The following KIF24 variants were observed in gnomAD, a reference collection of about 807,000 sequenced individuals.
KIF24 encodes the protein kinesin-like protein KIF24.
Under a neutral mutation model 118.9 loss-of-function variants are expected in KIF24, and 81 were observed. The observed-to-expected ratio is 0.68, with a 90% confidence interval of 0.57 to 0.82. The LOEUF (loss-of-function observed/expected upper bound fraction) is 0.82, where lower values mean the gene tolerates loss of function less well. Ranked by LOEUF, KIF24 falls within the 40% of genes least tolerant of loss-of-function variation. The probability of loss-of-function intolerance (pLI) is 0.00; values close to 1 mark genes in which losing one functional copy is unlikely to be tolerated. For missense variants in KIF24, 1,560 were observed against 1,661.6 expected (o/e 0.94, Z 1.06); for synonymous variants, 599 against 610.0 (o/e 0.98, Z 0.27).
At chr9:34,319,291 AAGC>A in intron 1 of KIF24, 1 of 1,039,172 alleles carries the variant, frequency 9.6e-7, no homozygotes, top group Non-Finnish European at 1.5e-6. Flanking sequence ...GATGGGGAAG[AAGC>A]AGAAGCCTGT....
At chr9:34,317,235 A>C (rs1212730626) in intron 1 of KIF24, among the ~76,000 whole-genome samples, 1 of 151,100 alleles carries the variant, frequency 6.6e-6, no homozygotes, top group East Asian at 2.0e-4. Flanking sequence ...AAAAAAGAAA[A>C]AAAAATTGGC....
At chr9:34,320,422 C>G (rs899775255) in intron 1 of KIF24, among the ~76,000 whole-genome samples, 4 of 150,920 alleles carry the variant, frequency 2.7e-5, no homozygotes, top group African/African-American at 9.7e-5. Context: ...CTTTGGGAAG[C>G]AGAGGCAAGC....
Position 34,257,256 on chromosome 9 carries a change from T to C in KIF24, c.2351A>G (p.Gln784Arg), listed in dbSNP as rs1333811689. 1 of 1,614,022 alleles carries C rather than the reference T, an allele frequency of 6.2e-7. No homozygotes were observed. The highest frequency in any genetic ancestry group is 8.5e-7 in the Non-Finnish European group (1 of 1,179,896). The change falls in exon 11 of 13, where the codon CAA (glutamine) becomes CGA (arginine). Residue 784 changes from glutamine (Q) to arginine (R), a missense_variant. Coordinates refer to ENST00000402558, the MANE Select transcript of KIF24 (RefSeq NM_194313.4). Reference sequence around the variant, plus strand: ...CTGGCGTAAAGACCTTTTCAGTGGTTGGTATTTTAACTTCTGTTGGAGGAG... The same window carrying C: ...CTGGCGTAAAGACCTTTTCAGTGGTCGGTATTTTAACTTCTGTTGGAGGAG... ...PPLLQQKLKY[Q>R]PLKRSLRQYR... is the part of the protein sequence containing the mutation.
At chr9:34,325,873 TGCTG>T in intron 1 of KIF24, among the ~76,000 whole-genome samples, 1 of 152,280 alleles carries the variant, frequency 6.6e-6, no homozygotes, top group South Asian at 2.1e-4. Context: ...GTGACAGAGA[TGCTG>T]GTGCCCTGAG....
intron 1 of KIF24, among the ~76,000 whole-genome samples, chr9:34,327,225 A>G (rs1054783123): frequency 1.4e-4 from 22 of 152,156 alleles, no homozygotes; most frequent in Non-Finnish European, 3.1e-4. Flanking sequence ...GAGGATCTAC[A>G]CTGTGCAAAT....
intron 1 of KIF24, chr9:34,319,226 G>A (rs770918188): frequency 2.4e-5 from 37 of 1,554,728 alleles, no homozygotes; most frequent in African/African-American, 4.1e-5. Flanking sequence ...GCCCCACCAC[G>A]TGGAGCCCCT....
At chr9:34,310,430 A>G (rs1483750345) in intron 2 of KIF24, among the ~76,000 whole-genome samples, 3 of 152,134 alleles carry the variant, frequency 2.0e-5, no homozygotes, top group Non-Finnish European at 4.4e-5. Flanking sequence ...TAGATGTATC[A>G]TGTTACGCTA....
chr9:34,297,640 T>G (rs1836536650), intron 3 of KIF24, among the ~76,000 whole-genome samples: 1 of 151,890 alleles, frequency 6.6e-6, no homozygotes, highest in Admixed American at 6.6e-5. Context: ...TGGGCACTTG[T>G]AATCCCAGCT....
At position 34,318,042 on chromosome 9, in the gene KIF24, T is replaced by C. The variant is rs190132408; in HGVS notation, c.-25-6671A>G. 2.9e-4 allele frequency among the ~76,000 whole-genome samples: 44 copies of C among 152,226 alleles called. No homozygotes were observed. The highest frequency in any genetic ancestry group is 9.9e-4 in the African/African-American group (41 of 41,544). ...TTATTTTTCAGTAGTTAGGGGAGCATGGGAGCAAAGGATTGCTTTAAGAAT... is the reference window on the plus strand; with the variant it reads ...TTATTTTTCAGTAGTTAGGGGAGCACGGGAGCAAAGGATTGCTTTAAGAAT... On this transcript the variant is annotated intron_variant, in intron 1 of 12. Coordinates refer to ENST00000402558, the MANE Select transcript of KIF24 (RefSeq NM_194313.4). The surrounding 1 kb of genome is among the most constrained non-coding windows in gnomAD (Gnocchi z 4.9).
chr9:34,289,127 T>C (rs910658200), intron 5 of KIF24, among the ~76,000 whole-genome samples: 2 of 152,134 alleles, frequency 1.3e-5, no homozygotes, highest in East Asian at 1.9e-4. Context: ...TGAACACCTA[T>C]ACAATCTCAA....
intron 4 of KIF24, among the ~76,000 whole-genome samples, chr9:34,293,669 G>C (rs892974948): frequency 2.6e-5 from 4 of 151,964 alleles, no homozygotes; most frequent in Non-Finnish European, 5.9e-5. Context: ...CCAGCTACTC[G>C]GGAGGCTGAG....
chr9:34,294,281 C>T (rs1019776843), intron 4 of KIF24, among the ~76,000 whole-genome samples: 2 of 152,130 alleles, frequency 1.3e-5, no homozygotes, highest in African/African-American at 2.4e-5. Context: ...TAAACCTATC[C>T]TATGAGCCAG....
Position 34,310,720 on chromosome 9 carries a change from T to C in KIF24, c.623+4A>G. 1 of 1,565,166 alleles carries C rather than the reference T, an allele frequency of 6.4e-7. No homozygotes were observed. Among genetic ancestry groups the C allele is most frequent in the Non-Finnish European group, 8.6e-7 (1 of 1,158,932 alleles). ...TCAAAAGAAAGAAAGATAAAATTTA[T>C]TACCTGATACAAGAATGAGGGATTC... On this transcript the variant is annotated splice_donor_region_variant and intron_variant, in intron 2 of 12. Transcript: ENST00000402558.
chr9:34,319,792 C>T (rs941326429), intron 1 of KIF24: 10 of 546,062 alleles, frequency 1.8e-5, no homozygotes, highest in East Asian at 4.1e-5. Context: ...CCAGGGTTCC[C>T]GTGTGCTTGA....
chr9:34,266,435 T>C (rs1587919414), intron 8 of KIF24, among the ~76,000 whole-genome samples: 3 of 151,996 alleles, frequency 2.0e-5, no homozygotes, highest in African/African-American at 4.8e-5. Flanking sequence ...TCCCAGCACT[T>C]TGGAAGGCCG....
intron 1 of KIF24, among the ~76,000 whole-genome samples, chr9:34,327,874 T>C (rs1450371306): frequency 2.0e-5 from 3 of 151,372 alleles, no homozygotes; most frequent in Non-Finnish European, 4.4e-5. Context: ...AGGGACTAAA[T>C]GACTTGCAAA....
rs747675952 is a variant in KIF24, at chr9:34,256,531, C to T, written c.3076G>A (p.Gly1026Ser). The change falls in exon 11 of 13, where the codon GGT (glycine) becomes AGT (serine). Residue 1026 changes from glycine (G) to serine (S), a missense_variant. Gly to Ser is a moderately conservative substitution (Grantham distance 56). Coordinates refer to ENST00000402558, the MANE Select transcript of KIF24 (RefSeq NM_194313.4). ...GGATCCTCTCCTGGGACAGCATGAC[C>T]GTTTTTCACAGTGCTGGTCACCTGG... is the stretch of plus-strand genomic sequence containing the variant. ...PIQVTSTVKN[G>S]HAVPGEDPRG... 96 of 1,613,850 alleles carry T rather than the reference C, an allele frequency of 5.9e-5. No individual in the cohort carries two copies. The highest frequency in any genetic ancestry group is 1.0e-4 in the Admixed American group (6 of 59,998).
chr9:34,278,660 T>G (rs1835741961), intron 6 of KIF24, among the ~76,000 whole-genome samples: 1 of 151,916 alleles, frequency 6.6e-6, no homozygotes, highest in African/African-American at 2.4e-5. Flanking sequence ...GCAAAATTAA[T>G]GCAATCACCT....
rs1587906071 is a variant in KIF24 at position 34,256,020 on chromosome 9, T to C, written c.3587A>G (p.His1196Arg). The C allele has an allele frequency of 6.2e-7, 1 of 1,613,754 alleles. No individual in the cohort carries two copies. Among genetic ancestry groups the C allele is most frequent in the East Asian group, 2.2e-5 (1 of 44,852 alleles). The change falls in exon 11 of 13, where the codon CAT becomes CGT. Residue 1196 changes from histidine to arginine, a missense_variant. Physicochemically the swap from His to Arg is conservative, Grantham distance 29. This residue lies in a region of KIF24 where 591 missense variants were observed against 655.6 expected (regional missense o/e 0.90). Coordinates refer to ENST00000402558, the MANE Select transcript of KIF24 (RefSeq NM_194313.4). ...GFPGKPFTTIHMGVPHSGPTL... is the reference protein window; with the variant it reads ...GFPGKPFTTIRMGVPHSGPTL... ...AGGTCCAGAATGGGGTACCCCCATA[T>C]GTATGGTGGTGAAGGGCTTTCCTGG... is the stretch of plus-strand genomic sequence containing the variant.
Sources: gnomAD v4.1 joint callset for allele counts (sites outside exome capture counted in the v4.1 genomes callset) on GRCh38, gnomAD v4.1.1 for gene constraint, gnomAD v4.1.1 regional missense constraint, Gnocchi (gnomAD v3.1) non-coding constraint, MANE v1.5 for transcripts, NCBI Gene and HGNC (gene_info 2026-07-23, HGNC 2026-07-21) for gene names.